LAMC1: variants seen among roughly 807,000 people sequenced by gnomAD.
LAMC1 encodes laminin subunit gamma 1.
LAMC1 carries 38 observed loss-of-function variants against 173.6 expected under a neutral mutation model. The ratio of observed to expected loss-of-function variants is 0.22; its 90% CI spans 0.17 to 0.29. The LOEUF (loss-of-function observed/expected upper bound fraction) is 0.29, where lower values mean the gene tolerates loss of function less well. LAMC1 is among the 10% of genes least tolerant of loss of function. The pLI, the probability that LAMC1 is intolerant of heterozygous loss-of-function variation, is 1.00. For missense variants in LAMC1, 1,824 were observed against 2,051.8 expected (o/e 0.89, Z 2.14); for synonymous variants, 746 against 749.1 (o/e 1.00, Z 0.07).
chr1:183,116,774 C>G lies in LAMC1; in HGVS notation c.1435C>G (p.Pro479Ala), dbSNP rs1415104425. 6.2e-7 allele frequency: 1 copy of G among 1,613,776 alleles called. No individual in the cohort carries two copies. The highest frequency in any genetic ancestry group is 8.5e-7 in the Non-Finnish European group (1 of 1,179,932). Residue 479 changes from proline to alanine, a missense_variant, in exon 8 of 28, where the codon CCT becomes GCT. By Grantham distance (27) the Pro-to-Ala change is conservative. Coordinates refer to ENST00000258341, the MANE Select transcript of LAMC1 (RefSeq NM_002293.4). The stretch of plus-strand genomic sequence containing the variant: ...TGTCTTAATCTTTTTCAGATGCAAA[C>G]CTGGATTTTTTAATCTGGAATCATC... ...VEGFNCERCKPGFFNLESSNP... is the reference protein window; with the variant it reads ...VEGFNCERCKAGFFNLESSNP...
intron 1 of LAMC1, among the ~76,000 whole-genome samples, chr1:183,055,285 C>T (rs974489989): frequency 2.0e-5 from 3 of 151,498 alleles, no homozygotes; most frequent in South Asian, 2.1e-4. Flanking sequence ...CCACCGCGCC[C>T]GGACACATCC....
At chr1:183,098,615 T>TAAAGTTTCTAC (rs1464948410) in intron 1 of LAMC1, among the ~76,000 whole-genome samples, 2 of 152,214 alleles carry the variant, frequency 1.3e-5, no homozygotes, top group African/African-American at 2.4e-5. Context: ...TTGGCTATTA[T>TAAAGTTTCTAC]AAAGTTTCTA....
At chr1:183,057,332 T>C (rs1571413433) in intron 1 of LAMC1, among the ~76,000 whole-genome samples, 2 of 152,346 alleles carry the variant, frequency 1.3e-5, no homozygotes, top group East Asian at 3.9e-4. Context: ...TCAGCCCTCA[T>C]TCCTTACCAC....
chr1:183,083,549 A>G (rs1655343212), intron 1 of LAMC1, among the ~76,000 whole-genome samples: 1 of 152,244 alleles, frequency 6.6e-6, no homozygotes, highest in African/African-American at 2.4e-5. Context: ...CTTTTGAATC[A>G]TAACATGAAA....
intron 1 of LAMC1, among the ~76,000 whole-genome samples, chr1:183,098,731 A>T (rs1655757515): frequency 6.6e-6 from 1 of 152,166 alleles, no homozygotes; most frequent in African/African-American, 2.4e-5. Flanking sequence ...CATCAGTAGA[A>T]CTCGAATTTT....
chr1:183,090,769 TC>T (rs1160998257), intron 1 of LAMC1, among the ~76,000 whole-genome samples: 3 of 152,094 alleles, frequency 2.0e-5, no homozygotes, highest in African/African-American at 4.8e-5. Flanking sequence ...GTAATCAGTT[TC>T]CCCCCTTCAC....
chr1:183,035,528 T>C (rs1165114681), intron 1 of LAMC1, among the ~76,000 whole-genome samples: 1 of 152,208 alleles, frequency 6.6e-6, no homozygotes, highest in Admixed American at 6.5e-5. Context: ...TTTGGGCATA[T>C]GTACTAGTTG....
intron 4 of LAMC1, among the ~76,000 whole-genome samples, chr1:183,113,186 CA>C (rs1443123975): frequency 1.3e-5 from 2 of 152,048 alleles, no homozygotes; most frequent in East Asian, 3.9e-4. Flanking sequence ...TAGTGGCACA[CA>C]CCTGTAGTCC....
chr1:183,131,190 A>AAAT, intron 19 of LAMC1, 109 bp from the exon 20 acceptor site: 12 of 686,428 alleles, frequency 1.7e-5, no homozygotes, highest in East Asian at 2.7e-5. Flanking sequence ...AAAAAAAAAA[A>AAAT]GGTAGAGGCA....
intron 2 of LAMC1, 172 bp downstream of exon 2, chr1:183,103,804 G>T: frequency 2.1e-6 from 1 of 483,998 alleles, no homozygotes; most frequent in African/African-American, 2.0e-5. Context: ...ATTAATAAGT[G>T]AAGGAAAGTA....
intron 1 of LAMC1, among the ~76,000 whole-genome samples, chr1:183,046,385 T>C (rs921893399): frequency 2.0e-5 from 3 of 152,242 alleles, no homozygotes; most frequent in Admixed American, 1.3e-4. Flanking sequence ...TGCATCTCGA[T>C]TGAAGTTGCA....
Position 183,023,756 on chromosome 1 carries a change from C to T in LAMC1, c.40C>T (p.Arg14Trp). The change falls in exon 1 of 28, where the codon CGG (arginine) becomes TGG (tryptophan). Residue 14 changes from arginine to tryptophan, a missense_variant. Arg to Trp is a moderately radical substitution (Grantham distance 101). Coordinates refer to ENST00000258341, the MANE Select transcript of LAMC1 (RefSeq NM_002293.4). ...SHRAAPALRP[R>W]GRLWPVLAVL... The stretch of plus-strand genomic sequence containing the variant: ...TCGGGCCGCGCCGGCCCTGCGGCCC[C>T]GGGGGCGGCTCTGGCCCGTGCTGGC... The T allele has an allele frequency of 8.2e-7, 1 of 1,221,252 alleles. No homozygotes were observed. Among genetic ancestry groups the T allele is most frequent in the Middle Eastern group, 2.4e-4 (1 of 4,086 alleles). 75.7% of individuals were successfully genotyped at this position (1,221,252 alleles called of 1,614,324 possible). A position where few individuals can be genotyped will look rare whatever the true frequency, so the allele number is the denominator to read the frequency against.
At chr1:183,100,886 T>C (rs561941320) in intron 1 of LAMC1, among the ~76,000 whole-genome samples, 1 of 152,296 alleles carries the variant, frequency 6.6e-6, no homozygotes, top group Non-Finnish European at 1.5e-5. Context: ...CAAATGAAGC[T>C]CAGTGCCAGC....
rs1402524241 is a variant in LAMC1, at chr1:183,145,071, G to T, written c.*2281G>T. 6.6e-6 allele frequency: 1 copy of T among 152,130 alleles called. No homozygotes were observed. Among genetic ancestry groups the T allele is most frequent in the African/African-American group, 2.4e-5 (1 of 41,430 alleles). 9.4% of individuals were successfully genotyped at this position (152,130 alleles called of 1,614,324 possible). A position where few individuals can be genotyped will look rare whatever the true frequency, so the allele number is the denominator to read the frequency against. Reference sequence around the variant, plus strand: ...ATCCTAACATATGCATTTGGTCAAGGTTGCAGAAGAGGACTGAAGATTGAC... The same window carrying T: ...ATCCTAACATATGCATTTGGTCAAGTTTGCAGAAGAGGACTGAAGATTGAC... On this transcript the variant is annotated 3_prime_UTR_variant, in exon 28 of 28. Coordinates refer to ENST00000258341, the MANE Select transcript of LAMC1 (RefSeq NM_002293.4).
chr1:183,132,343 A>C lies in LAMC1; in HGVS notation c.3567-57A>C, dbSNP rs1029787327. The C allele has an allele frequency of 3.9e-6, 5 of 1,296,230 alleles. No individual in the cohort carries two copies. In the African/African-American group the frequency reaches 7.7e-5, roughly 20 times the overall value. 80.3% of individuals were successfully genotyped at this position (1,296,230 alleles called of 1,614,324 possible). On this transcript the variant is annotated intron_variant, in intron 20 of 27. Transcript: ENST00000258341. ...ATAAAGTAAGCATTACCTGAATTTT[A>C]CTTATGTCCCTATCAGATGGTTGTT...
chr1:183,061,802 T>C (rs1654751792), intron 1 of LAMC1, among the ~76,000 whole-genome samples: 1 of 152,236 alleles, frequency 6.6e-6, no homozygotes, highest in Non-Finnish European at 1.5e-5. Flanking sequence ...AACTAATGAG[T>C]GCCTATTCTG....
In LAMC1 at chr1:183,133,213, G is replaced by A. The variant is rs1403010460; in HGVS notation, c.3705-193G>A. 2.0e-5 allele frequency among the ~76,000 whole-genome samples: 3 copies of A among 152,064 alleles called. No individual in the cohort carries two copies. In the East Asian group the frequency reaches 5.8e-4, roughly 29 times the overall value. Reference sequence around the variant, plus strand: ...GGCGTGAGCCACTGTGCCCGGCCAAGCCATACATTATAAATAGAAATGATA... The same window carrying A: ...GGCGTGAGCCACTGTGCCCGGCCAAACCATACATTATAAATAGAAATGATA... On this transcript the variant is annotated intron_variant, in intron 21 of 27. Transcript: ENST00000258341.
At chr1:183,066,692 A>G (rs1424459107) in intron 1 of LAMC1, among the ~76,000 whole-genome samples, 2 of 152,230 alleles carry the variant, frequency 1.3e-5, no homozygotes, top group Non-Finnish European at 2.9e-5. Context: ...ATTCTCAGCA[A>G]ACTAACACAG....
At chr1:183,039,855 G>T (rs1654079058) in intron 1 of LAMC1, among the ~76,000 whole-genome samples, 2 of 152,152 alleles carry the variant, frequency 1.3e-5, no homozygotes, top group South Asian at 4.1e-4. Context: ...GTCTCTATCT[G>T]TGCTTTCCTC....
Sources: gnomAD v4.1 joint callset for allele counts (sites outside exome capture counted in the v4.1 genomes callset) on GRCh38, gnomAD v4.1.1 for gene constraint, MANE v1.5 for transcripts, NCBI Gene and HGNC (gene_info 2026-07-23, HGNC 2026-07-21) for gene names.